NRXN1: variants seen among roughly 807,000 people sequenced by gnomAD.
NRXN1 encodes the protein neurexin-1.
In NRXN1, 39 loss-of-function variants were observed where a neutral mutation model predicts 150.9. The observed-to-expected ratio is 0.26, with a 90% CI of 0.20 to 0.34. NRXN1 has a LOEUF of 0.34. NRXN1 is among the 10% of genes least tolerant of loss of function. The pLI, the probability that NRXN1 is intolerant of heterozygous loss-of-function variation, is 1.00. For missense variants in NRXN1, 1,815 were observed against 1,949.9 expected, an observed-to-expected ratio of 0.93 and a Z score of 1.30; for synonymous variants, 924 against 757.0, an observed-to-expected ratio of 1.22 and a Z score of -3.62.
rs145849248 is a variant in NRXN1 at position 50,815,193 on chromosome 2, C to T, written c.832+106676G>A. 7.2e-4 allele frequency among the ~76,000 whole-genome samples: 110 copies of T among 152,162 alleles called. 2 individuals carry two copies. Among genetic ancestry groups the T allele is most frequent in the Non-Finnish European group, 1.1e-3 (78 of 67,996 alleles). On this transcript the variant is annotated intron_variant, in intron 5 of 22. Coordinates refer to ENST00000401669, the MANE Select transcript of NRXN1 (RefSeq NM_001330078.2). ...GTTCCTTCTCATGACAACAAAACTA[C>T]ATTTTGAAACCTTCTCATTTAAAGC...
chr2:50,622,109 A>T (rs1680131498), intron 6 of NRXN1, among the ~76,000 whole-genome samples: 1 of 152,168 alleles, frequency 6.6e-6, no homozygotes, highest in African/African-American at 2.4e-5. Context: ...GTCTACAGTT[A>T]TACTGATGGT....
chr2:50,791,466 C>G (rs1002111563), intron 5 of NRXN1, among the ~76,000 whole-genome samples: 6 of 152,150 alleles, frequency 3.9e-5, no homozygotes, highest in Non-Finnish European at 8.8e-5. Context: ...ATCTGCTCAT[C>G]TGGCTTTCAA....
chr2:49,921,362 C>G lies in NRXN1; in HGVS notation c.*582G>C, dbSNP rs201670028. On this transcript the variant is annotated 3_prime_UTR_variant, in exon 23 of 23. Coordinates refer to ENST00000401669, the MANE Select transcript of NRXN1 (RefSeq NM_001330078.2). ...TTCCTCTCTCACAACCAGAAAGGGG[C>G]TTTTTGAATGTGTTCCTACACAAGT... The G allele has an allele frequency of 3.3e-5, 5 of 152,494 alleles. No individual in the cohort carries two copies. The allele number at this position is 152,494 out of a possible 1,614,324, so 9.4% of individuals were successfully genotyped here. A position where few individuals can be genotyped will look rare whatever the true frequency, so the allele number is the denominator to read the frequency against.
intron 18 of NRXN1, among the ~76,000 whole-genome samples, chr2:50,124,423 T>A (rs1704286977): frequency 2.0e-5 from 3 of 152,166 alleles, no homozygotes; most frequent in Admixed American, 2.0e-4. Context: ...ATACGATATT[T>A]CATTATAGAT....
chr2:50,853,958 G>C (rs899751644), intron 5 of NRXN1, among the ~76,000 whole-genome samples: 1 of 151,960 alleles, frequency 6.6e-6, no homozygotes, highest in African/African-American at 2.4e-5. Flanking sequence ...TTCACACTGT[G>C]TGTTTCCCCA....
intron 5 of NRXN1, among the ~76,000 whole-genome samples, chr2:50,756,378 C>T (rs1701156977): frequency 2.0e-5 from 3 of 151,414 alleles, no homozygotes. Flanking sequence ...TCATTCAGTA[C>T]ATTAAACAGC....
chr2:50,595,423 GA>G (rs112426586), intron 8 of NRXN1, among the ~76,000 whole-genome samples: 2,501 of 139,794 alleles, frequency 0.018, 51 homozygotes, highest in African/African-American at 0.046. Context: ...GTAAAAAAAG[GA>G]AAAAAAAAAA....
chr2:50,923,531 G>A (rs1161975638), intron 3 of NRXN1: 2 of 230,240 alleles, frequency 8.7e-6, no homozygotes, highest in African/African-American at 2.3e-5. Flanking sequence ...AAACTGAAGA[G>A]CACTTCTCTT....
chr2:51,029,977 C>T (rs1293744380), intron 1 of NRXN1, among the ~76,000 whole-genome samples: 8 of 152,090 alleles, frequency 5.3e-5, no homozygotes, highest in South Asian at 4.1e-4. Context: ...TATGTCATCT[C>T]AGCTGCAGTG....
intron 18 of NRXN1, among the ~76,000 whole-genome samples, chr2:50,132,353 T>G (rs964010421): frequency 8.7e-5 from 13 of 149,870 alleles, no homozygotes; most frequent in Non-Finnish European, 1.5e-4. Flanking sequence ...TCGCCCAGGC[T>G]GGAGTGCAGT....
chr2:50,925,125 C>A (rs1339653664), intron 3 of NRXN1, among the ~76,000 whole-genome samples: 1 of 151,736 alleles, frequency 6.6e-6, no homozygotes. Flanking sequence ...TTTGATAAAA[C>A]CTTCCCTTTC....
chr2:50,047,848 G>C (rs993150711), intron 21 of NRXN1, among the ~76,000 whole-genome samples: 1 of 152,034 alleles, frequency 6.6e-6, no homozygotes, highest in African/African-American at 2.4e-5. Flanking sequence ...CTACAGACTA[G>C]AAAGGTAGTA....
intron 8 of NRXN1, among the ~76,000 whole-genome samples, chr2:50,607,499 T>C (rs1677327875): frequency 6.6e-6 from 1 of 152,168 alleles, no homozygotes; most frequent in Non-Finnish European, 1.5e-5. Context: ...TTACTTTCTT[T>C]AGGGCATAAG....
At chr2:50,584,491 T>C (rs1199388871) in intron 8 of NRXN1, among the ~76,000 whole-genome samples, 1 of 152,194 alleles carries the variant, frequency 6.6e-6, no homozygotes, top group African/African-American at 2.4e-5. Context: ...CTATCTTTTT[T>C]TATGTTTAAC....
At chr2:50,466,858 C>T (rs1223138183) in intron 16 of NRXN1, among the ~76,000 whole-genome samples, 1 of 151,754 alleles carries the variant, frequency 6.6e-6, no homozygotes, top group Non-Finnish European at 1.5e-5. Flanking sequence ...TCATCATGTG[C>T]AGATACAGTG....
chr2:50,903,652 C>G (rs1683261882), intron 5 of NRXN1, among the ~76,000 whole-genome samples: 1 of 152,116 alleles, frequency 6.6e-6, no homozygotes, highest in Admixed American at 6.5e-5. Context: ...TGTATCTTCT[C>G]CTAATGGAAA....
At chr2:50,413,729 T>G (rs2083347515) in intron 17 of NRXN1, among the ~76,000 whole-genome samples, 1 of 152,118 alleles carries the variant, frequency 6.6e-6, no homozygotes, top group South Asian at 2.1e-4. Context: ...ACATCTGCAC[T>G]CCTATGTTTG....
chr2:50,625,025 C>A (rs1302594545), intron 5 of NRXN1: 1 of 151,972 alleles, frequency 6.6e-6, no homozygotes, highest in Admixed American at 6.6e-5. Context: ...AAACTATAAA[C>A]ATATAATTAT....
At chr2:50,177,774 ACTCTCTCT>A (rs72085403) in intron 18 of NRXN1, among the ~76,000 whole-genome samples, 3,137 of 131,144 alleles carry the variant, frequency 0.024, 73 homozygotes, top group African/African-American at 0.069. Flanking sequence ...TAACTAACTA[ACTCTCTCT>A]CTCTCTCTCT....
Sources: allele counts gnomAD v4.1 joint callset (sites outside exome capture counted in the v4.1 genomes callset), GRCh38; gene constraint gnomAD v4.1.1; transcripts MANE v1.5; gene names NCBI Gene and HGNC (gene_info 2026-07-23, HGNC 2026-07-21).